SYT6: variants seen among roughly 807,000 people sequenced by gnomAD.
SYT6 encodes the protein synaptotagmin 6.
Under a neutral mutation model 38.4 loss-of-function variants are expected in SYT6, and 24 were observed. The observed-to-expected ratio is 0.62, with a 90% CI of 0.45 to 0.88. The LOEUF is 0.88. SYT6 is among the 40% of genes least tolerant of loss of function. The pLI is 0.00. For missense variants in SYT6, 611 were observed against 621.0 expected, an observed-to-expected ratio of 0.98 and a Z score of 0.17; for synonymous variants, 265 against 241.9, an observed-to-expected ratio of 1.10 and a Z score of -0.89.
Position 114,132,984 on chromosome 1 carries a change from C to A in SYT6, c.1071+4511G>T, listed in dbSNP as rs528567899. Among the ~76,000 whole-genome samples the A allele has an allele frequency of 1.8e-4, 28 of 152,328 alleles. 1 individual carries two copies. The highest frequency in any genetic ancestry group is 6.5e-4 in the African/African-American group (27 of 41,572). On this transcript the variant is annotated intron_variant, in intron 3 of 7. Coordinates refer to ENST00000610222, the MANE Select transcript of SYT6 (RefSeq NM_001253772.2). ...GTTGACAATAAAGCCTGCACTCCTT[C>A]TGCACAACTCTGCTCATTTCCAAGC...
intron 4 of SYT6, 27 bp from the exon 5 acceptor site, chr1:114,099,292 G>T: frequency 6.3e-7 from 1 of 1,597,682 alleles, no homozygotes; most frequent in African/African-American, 1.3e-5. Context: ...AGAGAAAAGG[G>T]AATGGAGTAT....
At chr1:114,105,775 T>A (rs1479341548) in intron 3 of SYT6, among the ~76,000 whole-genome samples, 1 of 152,180 alleles carries the variant, frequency 6.6e-6, no homozygotes, top group African/African-American at 2.4e-5. Flanking sequence ...GAGAGAGTGG[T>A]CCTTGCACTC....
intron 7 of SYT6, among the ~76,000 whole-genome samples, 181 bp from the exon 8 acceptor site, chr1:114,092,263 A>G (rs1177815020): frequency 6.6e-6 from 1 of 151,700 alleles, no homozygotes; most frequent in Non-Finnish European, 1.5e-5. Context: ...AGTTTGGAAT[A>G]CCTGATTTTC....
intron 5 of SYT6, 73 bp downstream of exon 5, chr1:114,099,021 G>A (rs746514006): frequency 4.2e-4 from 629 of 1,487,038 alleles, no homozygotes; most frequent in Non-Finnish European, 5.2e-4. Context: ...AAGGTCTAAG[G>A]TCAAGGAGCC....
intron 6 of SYT6, among the ~76,000 whole-genome samples, chr1:114,096,219 C>T (rs1173807689): frequency 6.6e-6 from 1 of 150,840 alleles, no homozygotes; most frequent in Non-Finnish European, 1.5e-5. Context: ...GCAGTGCCTC[C>T]TGTATTGTGG....
chr1:114,129,347 C>G (rs1336670824), intron 3 of SYT6, among the ~76,000 whole-genome samples: 1 of 152,150 alleles, frequency 6.6e-6, no homozygotes, highest in Non-Finnish European at 1.5e-5. Context: ...AGTCTAGTCC[C>G]CGCCCATCAG....
At chr1:114,093,119 G>T (rs1675420308) in intron 7 of SYT6, among the ~76,000 whole-genome samples, 1 of 152,162 alleles carries the variant, frequency 6.6e-6, no homozygotes, top group Non-Finnish European at 1.5e-5. Flanking sequence ...AGTAGAAGCT[G>T]CTACTATGCA....
chr1:114,103,863 G>T, intron 3 of SYT6, 142 bp from the exon 4 acceptor site: 2 of 1,054,546 alleles, frequency 1.9e-6, no homozygotes, highest in Non-Finnish European at 2.7e-6. Context: ...TAAGGGACTG[G>T]CCTCCATGCT....
At position 114,097,838 on chromosome 1, in the gene SYT6, C is replaced by A. The variant is rs774503580; in HGVS notation, c.1404G>T (p.Gly468=). The A allele has an allele frequency of 6.2e-7, 1 of 1,614,212 alleles. No individual in the cohort carries two copies. Among genetic ancestry groups the A allele is most frequent in the South Asian group, 1.1e-5 (1 of 91,084 alleles). Residue 468 remains glycine (G), a synonymous_variant, in exon 6 of 8, where the codon GGG becomes GGT. Transcript: ENST00000610222. ...CCCTGCCCAGGCCTTCAGCAGTGAT[C>A]CCCACACGACAGACTCCTATGATCT... ...HNEIIGVCRV[G]ITAEGLGRDH...
intron 3 of SYT6, among the ~76,000 whole-genome samples, chr1:114,108,449 C>A (rs1483950879): frequency 6.6e-6 from 1 of 152,176 alleles, no homozygotes; most frequent in East Asian, 1.9e-4. Context: ...GACCCTCTAC[C>A]CCCAGTTAGC....
intron 1 of SYT6, among the ~76,000 whole-genome samples, chr1:114,145,706 T>G (rs972251201): frequency 7.9e-5 from 12 of 152,294 alleles, no homozygotes; most frequent in Middle Eastern, 3.4e-3. Context: ...CTCTGCAATA[T>G]GAGTCACCTC....
chr1:114,100,832 C>A (rs1675926703), intron 4 of SYT6, among the ~76,000 whole-genome samples: 1 of 152,172 alleles, frequency 6.6e-6, no homozygotes, highest in Admixed American at 6.5e-5. Flanking sequence ...CAGCAGCTTG[C>A]AAAATCCATA....
In SYT6 at chr1:114,090,793, T is replaced by C. The variant is rs1435635358; in HGVS notation, c.*1341A>G. ...TTAGGGGTTGGTGGGAAGACCACTA[T>C]TAACTCAACAGAAATGTGCTATTAC... On this transcript the variant is annotated 3_prime_UTR_variant, in exon 8 of 8. Transcript: ENST00000610222. The C allele has an allele frequency of 1.3e-5, 2 of 152,450 alleles. No individual in the cohort carries two copies. The highest frequency in any genetic ancestry group is 2.9e-5 in the Non-Finnish European group (2 of 68,038). The allele number at this position is 152,450 out of a possible 1,614,324, so 9.4% of individuals were successfully genotyped here.
chr1:114,148,834 G>A (rs900249423), intron 1 of SYT6, among the ~76,000 whole-genome samples: 1 of 152,148 alleles, frequency 6.6e-6, no homozygotes, highest in African/African-American at 2.4e-5. Context: ...TTGTTCAAGG[G>A]TACAGTGCAT....
At chr1:114,102,803 T>C (rs1427453625) in intron 4 of SYT6, among the ~76,000 whole-genome samples, 1 of 151,298 alleles carries the variant, frequency 6.6e-6, no homozygotes, top group Non-Finnish European at 1.5e-5. Context: ...TTCACCCCAT[T>C]TCACTCCTCA....
intron 1 of SYT6, among the ~76,000 whole-genome samples, chr1:114,142,203 C>G (rs1482730667): frequency 6.6e-6 from 1 of 152,178 alleles, no homozygotes. Flanking sequence ...TAGGATTCAC[C>G]ATTCTTGATG....
intron 3 of SYT6, among the ~76,000 whole-genome samples, chr1:114,104,602 A>G (rs944778235): frequency 6.6e-6 from 1 of 152,184 alleles, no homozygotes; most frequent in Non-Finnish European, 1.5e-5. Context: ...TTCCTCCCAT[A>G]GGGCTTCCAG....
intron 6 of SYT6, 44 bp downstream of exon 6, chr1:114,097,683 C>A: frequency 1.2e-6 from 2 of 1,603,332 alleles, no homozygotes; most frequent in Non-Finnish European, 1.7e-6. Context: ...CCAGCCCACA[C>A]TGCCATGCAG....
At chr1:114,116,352 G>A (rs1018553196) in intron 3 of SYT6, among the ~76,000 whole-genome samples, 15 of 152,212 alleles carry the variant, frequency 9.9e-5, no homozygotes, top group Admixed American at 2.6e-4. Context: ...CGGCAGTTCA[G>A]TGGAAGAACC....
Sources: gnomAD v4.1 joint callset for allele counts (sites outside exome capture counted in the v4.1 genomes callset) on GRCh38, gnomAD v4.1.1 for gene constraint, MANE v1.5 for transcripts, NCBI Gene and HGNC (gene_info 2026-07-23, HGNC 2026-07-21) for gene names.